Variants in ST3GAL1 observed in about 807,000 individuals in gnomAD.
ST3GAL1 encodes the protein CMP-N-acetylneuraminate-beta-galactosamide-alpha-2,3-sialyltransferase 1.
A neutral mutation model predicts 34.1 loss-of-function variants in ST3GAL1; 16 were observed. The ratio of observed to expected loss-of-function variants is 0.47; its 90% CI spans 0.32 to 0.71. The LOEUF is 0.71. Among genes scored for constraint, ST3GAL1 ranks in the 30% least tolerant of loss-of-function variants. The pLI, the probability that ST3GAL1 is intolerant of heterozygous loss-of-function variation, is 0.04. For missense variants in ST3GAL1, 353 were observed against 447.4 expected (o/e 0.79, Z 1.90); for synonymous variants, 191 against 184.7 (o/e 1.03, Z -0.28).
At position 133,517,835 on chromosome 8, in the gene ST3GAL1, C is replaced by T. The variant is rs1390952358; in HGVS notation, c.-428-18646G>A. The stretch of plus-strand genomic sequence containing the variant: ...GCACAACAAAACTTTGAATTAGGTG[C>T]AACAATAATCAGAAAGTTTTACATA... On this transcript the variant is annotated intron_variant, in intron 2 of 9. Transcript: ENST00000522652. Among the ~76,000 whole-genome samples, 4 of 152,184 alleles carry T rather than the reference C, an allele frequency of 2.6e-5. No homozygotes were observed. The East Asian group carries it at 7.7e-4, about 29-fold the overall frequency.
intron 1 of ST3GAL1, among the ~76,000 whole-genome samples, chr8:133,564,330 T>A (rs1185859978): frequency 6.6e-6 from 1 of 152,254 alleles, no homozygotes; most frequent in African/African-American, 2.4e-5. Context: ...GTACACACTT[T>A]GTTGCTTCTG....
chr8:133,536,912 G>A (rs555413971), intron 2 of ST3GAL1, among the ~76,000 whole-genome samples: 4 of 152,054 alleles, frequency 2.6e-5, no homozygotes, highest in Non-Finnish European at 1.5e-5. Flanking sequence ...ACACCCGAAC[G>A]GTCAACACAG....
At position 133,500,742 on chromosome 8, in the gene ST3GAL1, C is replaced by A. The variant is rs575244738; in HGVS notation, c.-428-1553G>T. Reference sequence around the variant, plus strand: ...ATCAATGAATATGAAGTGCGTAAAGCATGCTTGGCCTCTCAGCCATGCTCC... The same window carrying A: ...ATCAATGAATATGAAGTGCGTAAAGAATGCTTGGCCTCTCAGCCATGCTCC... On this transcript the variant is annotated intron_variant, in intron 2 of 9. Transcript: ENST00000522652. Among the ~76,000 whole-genome samples, 70 of 152,322 alleles carry A rather than the reference C, an allele frequency of 4.6e-4. 1 individual carries two copies. The highest frequency in any genetic ancestry group is 1.6e-3 in the African/African-American group (68 of 41,568).
chr8:133,494,212 C>T (rs898591791), intron 3 of ST3GAL1, among the ~76,000 whole-genome samples: 1 of 152,146 alleles, frequency 6.6e-6, no homozygotes, highest in African/African-American at 2.4e-5. Context: ...CAATGTTCTC[C>T]CTATTTTGCA....
At position 133,467,062 on chromosome 8, in the gene ST3GAL1, T is replaced by C. The variant is rs1188025699; in HGVS notation, c.307-972A>G. ...GTGAGCCAAGACAGTGCCACTGCAC[T>C]TCAGCCTGGGTGACAGAGCGAGACT... On this transcript the variant is annotated intron_variant, in intron 5 of 9. Coordinates refer to ENST00000522652, the MANE Select transcript of ST3GAL1 (RefSeq NM_173344.3). The surrounding 1 kb of genome is among the most constrained non-coding windows in gnomAD (Gnocchi z 4.2). 2.6e-5 allele frequency among the ~76,000 whole-genome samples: 4 copies of C among 151,052 alleles called. No homozygotes were observed.
intron 2 of ST3GAL1, among the ~76,000 whole-genome samples, chr8:133,540,898 T>TATATAGAC (rs1563734166): frequency 1.1e-4 from 10 of 92,512 alleles, no homozygotes; most frequent in Non-Finnish European, 1.4e-4. Flanking sequence ...TATATAGACA[T>TATATAGAC]ATATATAGAC....
Position 133,475,961 on chromosome 8 carries a change from T to C in ST3GAL1, c.64A>G (p.Thr22Ala). 1 of 1,613,250 alleles carries C rather than the reference T, an allele frequency of 6.2e-7. No individual in the cohort carries two copies. Among genetic ancestry groups the C allele is most frequent in the East Asian group, 2.2e-5 (1 of 44,842 alleles). Reference protein sequence around the residue: ...LTFLVLFIFLTSFFLNYSHTM... With the variant: ...LTFLVLFIFLASFFLNYSHTM... ...TGGGAGTAGTTCAGGAAGAAGGAGG[T>C]GAGGAAGATGAAGAGCACGAGGAAG... The change falls in exon 5 of 10, where the codon ACC (threonine) becomes GCC (alanine). Residue 22 changes from threonine (T) to alanine (A), a missense_variant. Coordinates refer to ENST00000522652, the MANE Select transcript of ST3GAL1 (RefSeq NM_173344.3).
chr8:133,554,789 C>T (rs538976430), intron 1 of ST3GAL1, among the ~76,000 whole-genome samples: 1 of 148,788 alleles, frequency 6.7e-6, no homozygotes, highest in Non-Finnish European at 1.5e-5. Context: ...TGCAGTGGCG[C>T]GATCTCGGCT....
At chr8:133,478,486 C>T (rs1401882328) in intron 3 of ST3GAL1, among the ~76,000 whole-genome samples, 3 of 152,188 alleles carry the variant, frequency 2.0e-5, no homozygotes, top group Non-Finnish European at 4.4e-5. Flanking sequence ...AACCTGCAGC[C>T]CCACCCTCAC....
chr8:133,532,913 T>C, intron 2 of ST3GAL1, among the ~76,000 whole-genome samples: 1 of 152,080 alleles, frequency 6.6e-6, no homozygotes, highest in East Asian at 1.9e-4. Context: ...GAGGGCTAAC[T>C]TCTGCTTCAC....
chr8:133,463,377 C>T (rs376683277), intron 8 of ST3GAL1, 37 bp downstream of exon 8: 20 of 1,612,264 alleles, frequency 1.2e-5, no homozygotes, highest in Non-Finnish European at 1.6e-5. Context: ...ATGAGGAAGC[C>T]TGAACTTAGA....
chr8:133,542,159 GC>G (rs1400343034), intron 2 of ST3GAL1, among the ~76,000 whole-genome samples: 2 of 152,110 alleles, frequency 1.3e-5, no homozygotes, highest in East Asian at 3.9e-4. Flanking sequence ...TGCTCAGAGG[GC>G]CTAGAGGCAA....
rs1383596074 is a variant in ST3GAL1 at position 133,467,132 on chromosome 8, T to G, written c.307-1042A>C. Among the ~76,000 whole-genome samples, 1 of 151,322 alleles carries G rather than the reference T, an allele frequency of 6.6e-6. No homozygotes were observed. Among genetic ancestry groups the G allele is most frequent in the Non-Finnish European group, 1.5e-5 (1 of 67,904 alleles). On this transcript the variant is annotated intron_variant, in intron 5 of 9. Transcript: ENST00000522652. This position sits in a 1 kb window ranked among gnomAD's most constrained non-coding sequence, Gnocchi z 4.2. ...AAAAAGACCTAGCTCGAGGGTCAGC[T>G]GCTCGCAGATTGAATGCCAGTCTTA...
intron 2 of ST3GAL1, chr8:133,516,308 A>T (rs972160768): frequency 6.6e-6 from 1 of 152,098 alleles, no homozygotes; most frequent in African/African-American, 2.4e-5. Flanking sequence ...TTCTGCCACA[A>T]CTTGAAGCTT....
At position 133,459,969 on chromosome 8, in the gene ST3GAL1, C is replaced by G. The variant is rs2130912076; in HGVS notation, c.850-32G>C. 2 of 1,580,096 alleles carry G rather than the reference C, an allele frequency of 1.3e-6. No homozygotes were observed. The highest frequency in any genetic ancestry group is 1.7e-6 in the Non-Finnish European group (2 of 1,158,996). ...GAGCAAAGCAAAGATGAGAACCAGA[C>G]AGCAGGGCTGCTGGTGGCACCTCTG... is the stretch of plus-strand genomic sequence containing the variant. On this transcript the variant is annotated intron_variant, in intron 9 of 9. Transcript: ENST00000522652. The surrounding 1 kb of genome is among the most constrained non-coding windows in gnomAD (Gnocchi z 4.7).
chr8:133,464,960 G>A lies in ST3GAL1; in HGVS notation c.504-3C>T. On this transcript the variant is annotated splice_polypyrimidine_tract_variant and splice_region_variant and intron_variant, in intron 6 of 9. Coordinates refer to ENST00000522652, the MANE Select transcript of ST3GAL1 (RefSeq NM_173344.3). ...CTGCCGTGGGCGCCTTGTTCATCCT[G>A]GGAGAGAAGGGGAGAAAGCTGAGTC... is the stretch of plus-strand genomic sequence containing the variant. 1 of 1,610,912 alleles carries A rather than the reference G, an allele frequency of 6.2e-7. No individual in the cohort carries two copies. Among genetic ancestry groups the A allele is most frequent in the South Asian group, 1.1e-5 (1 of 90,856 alleles).
chr8:133,532,575 A>G (rs1422021363), intron 2 of ST3GAL1, among the ~76,000 whole-genome samples: 1 of 152,268 alleles, frequency 6.6e-6, no homozygotes, highest in Non-Finnish European at 1.5e-5. Flanking sequence ...TATGATACAT[A>G]TTAACAGATA....
At chr8:133,506,884 T>C (rs1418613865) in intron 2 of ST3GAL1, among the ~76,000 whole-genome samples, 1 of 151,800 alleles carries the variant, frequency 6.6e-6, no homozygotes, top group Non-Finnish European at 1.5e-5. Flanking sequence ...GGTCAGGAGA[T>C]GGAGACCATC....
chr8:133,464,399 C>T (rs1471210509), intron 7 of ST3GAL1, among the ~76,000 whole-genome samples: 4 of 152,156 alleles, frequency 2.6e-5, no homozygotes, highest in African/African-American at 9.7e-5. Flanking sequence ...GAACCCTCAC[C>T]CTGCCACGCT....
Sources: allele counts gnomAD v4.1 joint callset (sites outside exome capture counted in the v4.1 genomes callset), GRCh38; gene constraint gnomAD v4.1.1; non-coding constraint Gnocchi (gnomAD v3.1); transcripts MANE v1.5; gene names NCBI Gene and HGNC (gene_info 2026-07-23, HGNC 2026-07-21).